The following ADK variants were observed in gnomAD, a reference collection of about 807,000 sequenced individuals.
ADK encodes the protein N6,N6-dimethyladenosine kinase.
In ADK, 24 loss-of-function variants were observed where a neutral mutation model predicts 44.7. The observed-to-expected ratio is 0.54, with a 90% CI of 0.39 to 0.76. The LOEUF is 0.76. ADK is among the 30% of genes least tolerant of loss of function. ADK has a pLI of 0.00. For missense variants in ADK, 321 were observed against 425.1 expected, an observed-to-expected ratio of 0.76 and a Z score of 2.15; for synonymous variants, 128 against 142.6, an observed-to-expected ratio of 0.90 and a Z score of 0.73.
intron 3 of ADK, among the ~76,000 whole-genome samples, chr10:74,292,678 CTT>C (rs1301124272): frequency 1.3e-5 from 2 of 152,150 alleles, no homozygotes; most frequent in Non-Finnish European, 2.9e-5. Flanking sequence ...TGTTTTTCCT[CTT>C]TCTCTTATAT....
chr10:74,618,034 C>G (rs572390801), intron 9 of ADK, among the ~76,000 whole-genome samples: 1 of 152,186 alleles, frequency 6.6e-6, no homozygotes, highest in East Asian at 1.9e-4. Context: ...TCTATGCCAG[C>G]TTTCTATTGG....
intron 10 of ADK, among the ~76,000 whole-genome samples, chr10:74,703,582 G>A (rs1325927787): frequency 6.6e-6 from 1 of 152,184 alleles, no homozygotes; most frequent in Non-Finnish European, 1.5e-5. Flanking sequence ...CTGAGGAAAT[G>A]TTCCAGATTT....
intron 4 of ADK, among the ~76,000 whole-genome samples, chr10:74,368,446 A>T (rs1842561604): frequency 6.6e-6 from 1 of 151,546 alleles, no homozygotes; most frequent in Non-Finnish European, 1.5e-5. Flanking sequence ...TTTTAACTTA[A>T]TGTTTCTAAA....
At chr10:74,300,171 A>G (rs192054696) in intron 3 of ADK, among the ~76,000 whole-genome samples, 1 of 151,688 alleles carries the variant, frequency 6.6e-6, no homozygotes, top group Non-Finnish European at 1.5e-5. Context: ...GGTGTGAGCC[A>G]TCATGTCCCT....
chr10:74,596,749 G>A (rs1057155010), intron 8 of ADK, among the ~76,000 whole-genome samples: 4 of 152,004 alleles, frequency 2.6e-5, no homozygotes, highest in African/African-American at 4.8e-5. Flanking sequence ...GTTTTACTAC[G>A]TTGCCCAGGC....
At chr10:74,627,492 T>C (rs547549592) in intron 9 of ADK, among the ~76,000 whole-genome samples, 1 of 151,904 alleles carries the variant, frequency 6.6e-6, no homozygotes, top group African/African-American at 2.4e-5. Context: ...AAAAAAAGCT[T>C]TCTTTCGAAA....
chr10:74,563,092 C>A (rs1850521311), intron 7 of ADK, among the ~76,000 whole-genome samples: 2 of 152,048 alleles, frequency 1.3e-5, no homozygotes, highest in South Asian at 4.1e-4. Flanking sequence ...ACTGTGTTGT[C>A]CAGGCTGGAG....
intron 7 of ADK, among the ~76,000 whole-genome samples, chr10:74,570,870 T>G (rs1564797869): frequency 6.6e-6 from 1 of 152,204 alleles, no homozygotes; most frequent in Non-Finnish European, 1.5e-5. Context: ...TGTGCCCATT[T>G]TCAAAGGGAA....
At chr10:74,426,614 G>A (rs1592196608) in intron 6 of ADK, among the ~76,000 whole-genome samples, 1 of 152,108 alleles carries the variant, frequency 6.6e-6, no homozygotes, top group African/African-American at 2.4e-5. Context: ...GGAGAGTGAG[G>A]TGGAAGGGAT....
intron 6 of ADK, among the ~76,000 whole-genome samples, chr10:74,465,509 T>A (rs1846319859): frequency 6.6e-6 from 1 of 152,152 alleles, no homozygotes; most frequent in South Asian, 2.1e-4. Flanking sequence ...TTTAGTAGGG[T>A]TATTCTCACT....
chr10:74,611,838 G>T (rs1852557683), intron 9 of ADK, among the ~76,000 whole-genome samples: 1 of 152,126 alleles, frequency 6.6e-6, no homozygotes, highest in Admixed American at 6.6e-5. Context: ...GTATTACATG[G>T]TGTATATGTA....
At chr10:74,363,714 A>C (rs1842413354) in intron 4 of ADK, among the ~76,000 whole-genome samples, 1 of 151,992 alleles carries the variant, frequency 6.6e-6, no homozygotes, top group African/African-American at 2.4e-5. Flanking sequence ...GAATCTGGAG[A>C]GCCTGTCTTG....
At chr10:74,431,066 CAAAAAAAAAAAA>C (rs35141788) in intron 6 of ADK, among the ~76,000 whole-genome samples, 5 of 57,262 alleles carry the variant, frequency 8.7e-5, no homozygotes, top group Admixed American at 2.3e-4. Context: ...GACTCCGTCT[CAAAAAAAAAAAA>C]AAAAAAAAAA....
chr10:74,678,904 T>A (rs995700666), intron 10 of ADK, among the ~76,000 whole-genome samples: 1 of 152,238 alleles, frequency 6.6e-6, no homozygotes. Flanking sequence ...ATTTTACCTG[T>A]CTGATACATC....
At chr10:74,617,844 G>C (rs1422659803) in intron 9 of ADK, among the ~76,000 whole-genome samples, 1 of 152,054 alleles carries the variant, frequency 6.6e-6, no homozygotes, top group Non-Finnish European at 1.5e-5. Context: ...CACCCACCTT[G>C]GGCTCCCATA....
At chr10:74,490,911 C>G (rs1391724106) in intron 6 of ADK, among the ~76,000 whole-genome samples, 1 of 152,002 alleles carries the variant, frequency 6.6e-6, no homozygotes. Flanking sequence ...CGTGTTAGAT[C>G]AGATTTGTAC....
chr10:74,617,744 T>C (rs1768198500), intron 9 of ADK, among the ~76,000 whole-genome samples: 1 of 151,862 alleles, frequency 6.6e-6, no homozygotes, highest in African/African-American at 2.4e-5. Flanking sequence ...TACAGGCACG[T>C]ACCACCACGC....
rs367982701 is a variant in ADK, at chr10:74,598,440, C to CTTTTTTTTTT, written c.763-1939_763-1938insTTTTTTTTTT. On this transcript the variant is annotated intron_variant, in intron 8 of 10. Transcript: ENST00000539909. ...TAGAAAGCAACCATGGAATCTTATT[C>CTTTTTTTTTT]CTTTTTTTTTTTTTTTTTTTTTTTT... is the stretch of plus-strand genomic sequence containing the variant. Among the ~76,000 whole-genome samples the CTTTTTTTTTT allele has an allele frequency of 1.8e-5, 2 of 114,070 alleles. 1 individual carries two copies. The highest frequency in any genetic ancestry group is 1.7e-4 in the Admixed American group (2 of 11,496). 74.8% of individuals were successfully genotyped at this position (114,070 alleles called of 152,430 possible).
intron 4 of ADK, among the ~76,000 whole-genome samples, chr10:74,331,133 C>T (rs977547601): frequency 1.2e-4 from 18 of 152,024 alleles, no homozygotes; most frequent in African/African-American, 2.7e-4. Context: ...ATTTTACACC[C>T]GTATTGTAAC....
Sources: gnomAD v4.1 joint callset for allele counts (sites outside exome capture counted in the v4.1 genomes callset) on GRCh38, gnomAD v4.1.1 for gene constraint, MANE v1.5 for transcripts, NCBI Gene and HGNC (gene_info 2026-07-23, HGNC 2026-07-21) for gene names.